Variants in PCDHGA9 observed in about 807,000 individuals in gnomAD.
The protein encoded by PCDHGA9 is protocadherin gamma subfamily A, 9.
Under a neutral mutation model 62.5 loss-of-function variants are expected in PCDHGA9, and 37 were observed. The observed-to-expected ratio is 0.59, with a 90% CI of 0.46 to 0.78. PCDHGA9 has a LOEUF of 0.78. PCDHGA9 is among the 30% of genes least tolerant of loss of function. PCDHGA9 has a pLI of 0.00. For missense variants in PCDHGA9, 1,138 were observed against 1,166.2 expected (o/e 0.98, Z 0.35); for synonymous variants, 459 against 484.6 (o/e 0.95, Z 0.69).
At chr5:141,509,071 G>T (rs1209992467) in intron 3 of PCDHGA9, among the ~76,000 whole-genome samples, 1 of 152,176 alleles carries the variant, frequency 6.6e-6, no homozygotes, top group Admixed American at 6.5e-5. Flanking sequence ...CAGCTCCGGG[G>T]ATTTGCGACA....
chr5:141,405,231 C>T lies in PCDHGA9; in HGVS notation c.2279C>T (p.Thr760Ile). Residue 760 changes from threonine to isoleucine, a missense_variant, in exon 1 of 4, where the codon ACC becomes ATC. Thr to Ile is a moderately conservative substitution (Grantham distance 89). Coordinates refer to ENST00000573521, the MANE Select transcript of PCDHGA9 (RefSeq NM_018921.3). The stretch of plus-strand genomic sequence containing the variant: ...ACCTATTCTCAGGAGTTCTCCCTCA[C>T]CGCTGACTCAAGGAAGAGTCACCTG... ...LQTYSQEFSLTADSRKSHLIF... is the reference protein window; with the variant it reads ...LQTYSQEFSLIADSRKSHLIF... 2 of 1,614,130 alleles carry T rather than the reference C, an allele frequency of 1.2e-6. No homozygotes were observed. Among genetic ancestry groups the T allele is most frequent in the Non-Finnish European group, 1.7e-6 (2 of 1,180,028 alleles).
At position 141,487,289 on chromosome 5, in the gene PCDHGA9, G is replaced by T; in HGVS notation, c.2425-7518G>T. 6.2e-7 allele frequency: 1 copy of T among 1,614,096 alleles called. No individual in the cohort carries two copies. The highest frequency in any genetic ancestry group is 8.5e-7 in the Non-Finnish European group (1 of 1,180,024). On this transcript the variant is annotated intron_variant, in intron 1 of 3. Coordinates refer to ENST00000573521, the MANE Select transcript of PCDHGA9 (RefSeq NM_018921.3). The surrounding 1 kb of genome is among the most constrained non-coding windows in gnomAD (Gnocchi z 5.0). Reference sequence around the variant, plus strand: ...AGTGGCAATTTGCTTTGTCTCCTTTGGCTCATTCGTGGCACTACTCTCTAA... The same window carrying T: ...AGTGGCAATTTGCTTTGTCTCCTTTTGCTCATTCGTGGCACTACTCTCTAA...
At chr5:141,410,132 G>T (rs1278988827) in intron 1 of PCDHGA9, 1 of 1,612,754 alleles carries the variant, frequency 6.2e-7, no homozygotes, top group Non-Finnish European at 8.5e-7. Flanking sequence ...GCGCCTGCTG[G>T]TCGCTGTGCG....
chr5:141,412,893 A>C (rs1190008207), intron 1 of PCDHGA9: 6 of 340,884 alleles, frequency 1.8e-5, no homozygotes, highest in Non-Finnish European at 2.6e-5. Flanking sequence ...AGAATAGTTT[A>C]CTTTCCATTG....
intron 2 of PCDHGA9, among the ~76,000 whole-genome samples, chr5:141,499,983 C>T (rs765029745): frequency 5.3e-5 from 8 of 151,352 alleles, no homozygotes; most frequent in African/African-American, 9.7e-5. Context: ...CCACCTTGCC[C>T]GGCCAGATGA....
At chr5:141,460,465 AAAGG>A (rs2098989932) in intron 1 of PCDHGA9, among the ~76,000 whole-genome samples, 1 of 152,088 alleles carries the variant, frequency 6.6e-6, no homozygotes, top group Non-Finnish European at 1.5e-5. Context: ...ATTTTTTTCC[AAAGG>A]AATATCCAAT....
chr5:141,434,948 T>C (rs1486185815), intron 1 of PCDHGA9, among the ~76,000 whole-genome samples: 1 of 151,828 alleles, frequency 6.6e-6, no homozygotes, highest in East Asian at 1.9e-4. Flanking sequence ...ATATAATTTA[T>C]TAACAATTTA....
chr5:141,414,554 C>G (rs1184557964), intron 1 of PCDHGA9: 3 of 1,613,880 alleles, frequency 1.9e-6, no homozygotes, highest in East Asian at 2.2e-5. Context: ...TCTCAAGTCT[C>G]CTACTTTACC....
Position 141,454,796 on chromosome 5 carries a change from A to ATTT in PCDHGA9, c.2425-39984_2425-39982dup, listed in dbSNP as rs61612330. 3.3e-3 allele frequency among the ~76,000 whole-genome samples: 253 copies of ATTT among 77,450 alleles called. 31 individuals carry two copies. The highest frequency in any genetic ancestry group is 0.02 in the South Asian group (39 of 1,960). The allele number at this position is 77,450 out of a possible 152,430, so 50.8% of individuals were successfully genotyped here. ...AAGGAAATAATCCTCCATGGTTCTA[A>ATTT]TTTTTTTTTTTTTTTTTTTTTTTTT... On this transcript the variant is annotated intron_variant, in intron 1 of 3. Coordinates refer to ENST00000573521, the MANE Select transcript of PCDHGA9 (RefSeq NM_018921.3).
At position 141,403,775 on chromosome 5, in the gene PCDHGA9, G is replaced by A. The variant is rs760589412; in HGVS notation, c.823G>A (p.Gly275Arg). ...TASDLDEGIN[G>R]KVAYKFWKIN... is the part of the protein sequence containing the mutation. ...CAGCGACCTGGATGAGGGAATCAAC[G>A]GAAAAGTGGCATACAAATTCTGGAA... The change falls in exon 1 of 4, where the codon GGA becomes AGA. Residue 275 changes from glycine to arginine, a missense_variant. Coordinates refer to ENST00000573521, the MANE Select transcript of PCDHGA9 (RefSeq NM_018921.3). 2 of 1,613,866 alleles carry A rather than the reference G, an allele frequency of 1.2e-6. No homozygotes were observed. Among genetic ancestry groups the A allele is most frequent in the Admixed American group, 1.7e-5 (1 of 60,024 alleles).
At position 141,477,019 on chromosome 5, in the gene PCDHGA9, C is replaced by T. The variant is rs148675327; in HGVS notation, c.2425-17788C>T. 1.9e-5 allele frequency: 30 copies of T among 1,614,242 alleles called. No individual in the cohort carries two copies. Among genetic ancestry groups the T allele is most frequent in the Non-Finnish European group, 2.5e-5 (30 of 1,180,048 alleles). On this transcript the variant is annotated intron_variant, in intron 1 of 3. Transcript: ENST00000573521. This position sits in a 1 kb window ranked among gnomAD's most constrained non-coding sequence, Gnocchi z 4.9. ...AACTATTCGCCTTAGACCTTGTAAC[C>T]GGGATGCTGACAATCAAGGGTCGGC...
intron 1 of PCDHGA9, chr5:141,422,963 C>G (rs372620011): frequency 1.1e-5 from 17 of 1,614,238 alleles, no homozygotes; most frequent in Non-Finnish European, 1.4e-5. Context: ...GTGGAGCTGG[C>G]GCCCCGCTCT....
At chr5:141,429,929 T>A (rs2097253197) in intron 1 of PCDHGA9, among the ~76,000 whole-genome samples, 1 of 152,240 alleles carries the variant, frequency 6.6e-6, no homozygotes, top group African/African-American at 2.4e-5. Flanking sequence ...AATAGAATTC[T>A]GGAGTACTTC....
intron 1 of PCDHGA9, among the ~76,000 whole-genome samples, chr5:141,447,378 T>C (rs2098536967): frequency 6.6e-6 from 1 of 152,148 alleles, no homozygotes; most frequent in Non-Finnish European, 1.5e-5. Context: ...ACCCTGGTGA[T>C]CTGCCCACCT....
chr5:141,466,085 G>T (rs1028177123), intron 1 of PCDHGA9, among the ~76,000 whole-genome samples: 2 of 151,984 alleles, frequency 1.3e-5, no homozygotes, highest in African/African-American at 4.8e-5. Flanking sequence ...TCATGCCACT[G>T]CACTCCAGCC....
intron 3 of PCDHGA9, among the ~76,000 whole-genome samples, chr5:141,510,511 T>C (rs2099881465): frequency 6.6e-6 from 1 of 152,142 alleles, no homozygotes; most frequent in Non-Finnish European, 1.5e-5. Context: ...TGAGAGCCCG[T>C]GTCACAGCCC....
intron 1 of PCDHGA9, chr5:141,413,690 A>G (rs553462819): frequency 6.2e-7 from 1 of 1,613,702 alleles, no homozygotes; most frequent in Non-Finnish European, 8.5e-7. Flanking sequence ...AACTCCCTGC[A>G]GAGCTATCAG....
intron 1 of PCDHGA9, among the ~76,000 whole-genome samples, chr5:141,439,243 T>C (rs2098101178): frequency 6.6e-6 from 1 of 151,962 alleles, no homozygotes; most frequent in Non-Finnish European, 1.5e-5. Flanking sequence ...CCTATACAAT[T>C]TCAGCTGAAG....
Position 141,441,798 on chromosome 5 carries a change from CGGGT to C in PCDHGA9, c.2424+36424_2424+36427del, listed in dbSNP as rs1242635625. 6.4e-4 allele frequency: 248 copies of C among 387,326 alleles called. 2 individuals are homozygous for C. The highest frequency in any genetic ancestry group is 4.8e-3 in the African/African-American group (220 of 46,120). 24.0% of individuals were successfully genotyped at this position (387,326 alleles called of 1,614,324 possible). A position where few individuals can be genotyped will look rare whatever the true frequency, so the allele number is the denominator to read the frequency against. ...GGACGACCTGAATGACAACGCACCG[CGGGT>C]GCTGTACCCCAGCTCTGGAGCGCAA... On this transcript the variant is annotated intron_variant, in intron 1 of 3. Transcript: ENST00000573521.
Sources: allele counts gnomAD v4.1 joint callset (sites outside exome capture counted in the v4.1 genomes callset), GRCh38; gene constraint gnomAD v4.1.1; non-coding constraint Gnocchi (gnomAD v3.1); transcripts MANE v1.5; gene names NCBI Gene and HGNC (gene_info 2026-07-23, HGNC 2026-07-21).